The following GKAP1 variants were observed in gnomAD, a reference collection of about 807,000 sequenced individuals.
The protein encoded by GKAP1 is G kinase anchoring protein 1.
A neutral mutation model predicts 56.7 loss-of-function variants in GKAP1; 31 were observed. The observed-to-expected ratio is 0.55, with a 90% CI of 0.41 to 0.74. The LOEUF is 0.74. GKAP1 is among the 30% of genes least tolerant of loss of function. The probability of loss-of-function intolerance (pLI) is 0.00; values close to 1 mark genes in which losing one functional copy is unlikely to be tolerated. For synonymous variants in GKAP1, 151 were observed against 138.6 expected (o/e 1.09, Z -0.63); for missense variants, 364 against 402.3 (o/e 0.90, Z 0.82).
At chr9:83,808,441 C>G (rs1436020375) in intron 2 of GKAP1, among the ~76,000 whole-genome samples, 1 of 151,896 alleles carries the variant, frequency 6.6e-6, no homozygotes, top group Non-Finnish European at 1.5e-5. Flanking sequence ...ACTAAAAATA[C>G]AAAAAATTAG....
At chr9:83,779,061 A>G (rs1041282296) in intron 7 of GKAP1, among the ~76,000 whole-genome samples, 1 of 152,048 alleles carries the variant, frequency 6.6e-6, no homozygotes, top group Non-Finnish European at 1.5e-5. Flanking sequence ...GAGCAGGTAC[A>G]CCATGTGTAT....
intron 8 of GKAP1, among the ~76,000 whole-genome samples, chr9:83,756,546 T>C (rs1943481107): frequency 6.7e-6 from 1 of 148,426 alleles, no homozygotes; most frequent in Non-Finnish European, 1.5e-5. Context: ...TGTATTTAAC[T>C]GAAAAAGTGG....
chr9:83,749,787 T>A (rs2131235650), intron 9 of GKAP1, among the ~76,000 whole-genome samples: 1 of 152,250 alleles, frequency 6.6e-6, no homozygotes, highest in Admixed American at 6.5e-5. Flanking sequence ...AAGTAAATAA[T>A]GTTTACTGAG....
chr9:83,805,345 C>A (rs911182880), intron 3 of GKAP1, among the ~76,000 whole-genome samples: 1 of 152,104 alleles, frequency 6.6e-6, no homozygotes, highest in African/African-American at 2.4e-5. Context: ...GCCGCAGGGT[C>A]CTCTGCCTAG....
intron 6 of GKAP1, 64 bp downstream of exon 6, chr9:83,784,651 C>A (rs188260025): frequency 5.3e-4 from 593 of 1,122,516 alleles, no homozygotes; most frequent in South Asian, 9.3e-4. Context: ...AAGACATTTA[C>A]AACTGAAGTA....
Position 83,817,571 on chromosome 9 carries a change from CCT to C in GKAP1, c.-232_-231del, listed in dbSNP as rs1491148151. 6.6e-6 allele frequency: 1 copy of C among 151,880 alleles called. No individual in the cohort carries two copies. The highest frequency in any genetic ancestry group is 1.5e-5 in the Non-Finnish European group (1 of 68,140). The allele number at this position is 151,880 out of a possible 1,614,324, so 9.4% of individuals were successfully genotyped here. ...CCTCTCCCTCCTCCCCCCGCCGCCG[CCT>C]CTCCCGCGGCTCCCCGGGCGGCCGC... is the stretch of plus-strand genomic sequence containing the variant. On this transcript the variant is annotated 5_prime_UTR_variant, in exon 1 of 13. Transcript: ENST00000376371.
At chr9:83,743,206 T>G (rs1943237078) in intron 10 of GKAP1, among the ~76,000 whole-genome samples, 1 of 152,140 alleles carries the variant, frequency 6.6e-6, no homozygotes, top group South Asian at 2.1e-4. Flanking sequence ...TGGTGCAAGA[T>G]TAATTTTTAT....
chr9:83,816,802 A>C (rs1240580504), intron 2 of GKAP1, among the ~76,000 whole-genome samples, 194 bp downstream of exon 2: 1 of 152,216 alleles, frequency 6.6e-6, no homozygotes, highest in African/African-American at 2.4e-5. Context: ...AAGAGGAGGA[A>C]GAGAAAAGGC....
rs938499840 is a variant in GKAP1, at chr9:83,812,276, TATAC to T, written c.-44+4716_-44+4719del. Reference sequence around the variant, plus strand: ...ATGTATACGTATATATACACATATATATACACATATATACGTATATATATACGTA... The same window carrying T: ...ATGTATACGTATATATACACATATATACATATATACGTATATATATACGTA... On this transcript the variant is annotated intron_variant, in intron 2 of 12. Coordinates refer to ENST00000376371, the MANE Select transcript of GKAP1 (RefSeq NM_025211.4). Among the ~76,000 whole-genome samples the T allele has an allele frequency of 2.0e-5, 3 of 148,184 alleles. No homozygotes were observed. The Admixed American group carries it at 2.0e-4, about 10-fold the overall frequency.
At chr9:83,760,877 G>A (rs574851474) in intron 8 of GKAP1, among the ~76,000 whole-genome samples, 1 of 151,576 alleles carries the variant, frequency 6.6e-6, no homozygotes, top group South Asian at 2.1e-4. Flanking sequence ...GTACTAAGAG[G>A]GAAAGTTATA....
chr9:83,796,646 T>C (rs1190749884), intron 4 of GKAP1, among the ~76,000 whole-genome samples: 2 of 152,082 alleles, frequency 1.3e-5, no homozygotes, highest in African/African-American at 4.8e-5. Context: ...TTTGTATTTT[T>C]AGTAGAGACG....
At chr9:83,788,531 C>A in intron 5 of GKAP1, 70 bp downstream of exon 5, 2 of 837,696 alleles carry the variant, frequency 2.4e-6, no homozygotes, top group South Asian at 1.8e-5. Flanking sequence ...ATGTAAAATT[C>A]AAGTAGGTTG....
intron 3 of GKAP1, among the ~76,000 whole-genome samples, chr9:83,800,392 T>C (rs1274688655): frequency 2.0e-5 from 3 of 149,058 alleles, no homozygotes; most frequent in Non-Finnish European, 4.4e-5. Context: ...TGGAATGCAG[T>C]GGCACAATCT....
rs181075430 is a variant in GKAP1 at position 83,764,389 on chromosome 9, G to A, written c.738+4429C>T. On this transcript the variant is annotated intron_variant, in intron 8 of 12. Coordinates refer to ENST00000376371, the MANE Select transcript of GKAP1 (RefSeq NM_025211.4). ...CCTGTGAAAAGGTGCCTTCCACCAT[G>A]ATTGTAAGCCTCCTGAGGCCTCGCT... Among the ~76,000 whole-genome samples the A allele has an allele frequency of 4.0e-4, 61 of 152,286 alleles. 1 individual carries two copies. The highest frequency in any genetic ancestry group is 7.2e-4 in the Non-Finnish European group (49 of 68,034).
chr9:83,788,050 G>C (rs1003020361), intron 5 of GKAP1, among the ~76,000 whole-genome samples: 9 of 152,216 alleles, frequency 5.9e-5, no homozygotes, highest in Admixed American at 3.3e-4. Flanking sequence ...GGCCAAGGTG[G>C]GTGGATCAGC....
Position 83,785,515 on chromosome 9 carries a change from G to A in GKAP1, c.439-677C>T, listed in dbSNP as rs111796011. On this transcript the variant is annotated intron_variant, in intron 5 of 12. Coordinates refer to ENST00000376371, the MANE Select transcript of GKAP1 (RefSeq NM_025211.4). ...TCTCACTACCCTGCCTTCCCCACTC[G>A]ATCCTTTATGAAGTACCTTGTTATG... Among the ~76,000 whole-genome samples the A allele has an allele frequency of 7.9e-5, 12 of 152,072 alleles. 1 individual carries two copies. The highest frequency in any genetic ancestry group is 2.4e-4 in the African/African-American group (10 of 41,486).
chr9:83,816,994 A>G lies in GKAP1; in HGVS notation c.-44+2T>C, dbSNP rs986494268. The G allele has an allele frequency of 6.6e-6, 1 of 152,146 alleles. No individual in the cohort carries two copies. Among genetic ancestry groups the G allele is most frequent in the Non-Finnish European group, 1.5e-5 (1 of 68,016 alleles). The allele number at this position is 152,146 out of a possible 1,614,324, so 9.4% of individuals were successfully genotyped here. ...CTATATTCAAAAAGTAATTCACTAT[A>G]CCTCATTCATGAATGAAAGCCAAAT... On this transcript the variant is annotated splice_donor_variant, in intron 2 of 12. Coordinates refer to ENST00000376371, the MANE Select transcript of GKAP1 (RefSeq NM_025211.4). LOFTEE classifies it low-confidence loss of function (5UTR_SPLICE).
chr9:83,779,608 C>CGTGTATGTGTATAT (rs1943935566), intron 7 of GKAP1, among the ~76,000 whole-genome samples: 2 of 78,494 alleles, frequency 2.5e-5, no homozygotes, highest in African/African-American at 9.1e-5. Context: ...TATATATACA[C>CGTGTATGTGTATAT]ATATACACAC....
chr9:83,772,796 G>A (rs74910851), intron 7 of GKAP1, among the ~76,000 whole-genome samples: 1,546 of 152,190 alleles, frequency 0.01, 26 homozygotes, highest in African/African-American at 0.035. Context: ...ATTTCCAGAA[G>A]ATATAAGAAT....
Sources: gnomAD v4.1 joint callset for allele counts (sites outside exome capture counted in the v4.1 genomes callset) on GRCh38, gnomAD v4.1.1 for gene constraint, MANE v1.5 for transcripts, NCBI Gene and HGNC (gene_info 2026-07-23, HGNC 2026-07-21) for gene names.